HERC2: variants seen among roughly 807,000 people sequenced by gnomAD.
HERC2 encodes the protein HECT and RLD domain containing E3 ubiquitin protein ligase 2, also known as E3 ubiquitin-protein ligase HERC2.
A neutral mutation model predicts 537.7 loss-of-function variants in HERC2; 102 were observed. That is an observed-to-expected ratio of 0.19 (90% CI 0.16 to 0.22). The LOEUF (loss-of-function observed/expected upper bound fraction) is 0.22, where lower values mean the gene tolerates loss of function less well. Ranked by LOEUF, HERC2 falls within the 10% of genes least tolerant of loss-of-function variation. The pLI, the probability that HERC2 is intolerant of heterozygous loss-of-function variation, is 1.00. For missense variants in HERC2, 4,236 were observed against 6,198.2 expected (o/e 0.68, Z 10.63); for synonymous variants, 2,224 against 2,466.2 (o/e 0.90, Z 2.91).
chr15:28,194,168 C>T (rs763479225), intron 52 of HERC2, among the ~76,000 whole-genome samples: 2 of 151,050 alleles, frequency 1.3e-5, no homozygotes, highest in Non-Finnish European at 3.0e-5. Flanking sequence ...TGGGTTCACG[C>T]CATTCTCCCG....
chr15:28,260,827 G>A lies in HERC2; in HGVS notation c.2266C>T (p.Pro756Ser). ...ACTATGTGTTTGGTGTCCAGTCCTGGCAATGCTGCAGGTTCTGGCTTGGTC... is the reference window on the plus strand; with the variant it reads ...ACTATGTGTTTGGTGTCCAGTCCTGACAATGCTGCAGGTTCTGGCTTGGTC... The part of the protein sequence containing the change: ...RVTKPEPAAL[P>S]GLDTKHIVGI... The change falls in exon 16 of 93, where the codon CCA becomes TCA. Residue 756 changes from proline to serine, a missense_variant. Pro to Ser is a moderately conservative substitution (Grantham distance 74). Coordinates refer to ENST00000261609, the MANE Select transcript of HERC2 (RefSeq NM_004667.6). 1.2e-6 allele frequency: 2 copies of A among 1,614,234 alleles called. No individual in the cohort carries two copies. The highest frequency in any genetic ancestry group is 1.7e-6 in the Non-Finnish European group (2 of 1,180,038).
chr15:28,117,220 T>C (rs755800378), intron 86 of HERC2, 66 bp from the exon 87 acceptor site: 3 of 1,510,056 alleles, frequency 2.0e-6, no homozygotes, highest in Non-Finnish European at 2.8e-6. Flanking sequence ...GTCGGGGATA[T>C]GCGGCACTGG....
At position 28,244,473 on chromosome 15, in the gene HERC2, A is replaced by G. The variant is rs550930639; in HGVS notation, c.3577+1408T>C. 4.3e-4 allele frequency among the ~76,000 whole-genome samples: 65 copies of G among 152,246 alleles called. 1 individual carries two copies. Among genetic ancestry groups the G allele is most frequent in the African/African-American group, 1.5e-3 (63 of 41,554 alleles). On this transcript the variant is annotated intron_variant, in intron 23 of 92. Transcript: ENST00000261609. ...GCCTGGGGAAGGGCACTTTTCAGAG[A>G]AATGAGTCCGAGTTTGGGAGGGTCC...
chr15:28,292,791 A>T (rs2076354813), intron 4 of HERC2, 97 bp downstream of exon 4: 32 of 1,249,352 alleles, frequency 2.6e-5, no homozygotes, highest in South Asian at 1.1e-4. Flanking sequence ...TACTTTTTTT[A>T]AAATTGTTAC....
chr15:28,113,316 G>A lies in HERC2; in HGVS notation c.14020-33C>T. 6.3e-7 allele frequency: 1 copy of A among 1,596,158 alleles called. No individual in the cohort carries two copies. Among genetic ancestry groups the A allele is most frequent in the Non-Finnish European group, 8.6e-7 (1 of 1,164,172 alleles). The stretch of plus-strand genomic sequence containing the variant: ...AGGATGTCTGTCAGGGCCGCGTGAT[G>A]CTTCCCACCCTGGCATTTCCGCAAG... On this transcript the variant is annotated intron_variant, in intron 91 of 92. Coordinates refer to ENST00000261609, the MANE Select transcript of HERC2 (RefSeq NM_004667.6). This position sits in a 1 kb window ranked among gnomAD's most constrained non-coding sequence, Gnocchi z 7.0.
intron 20 of HERC2, among the ~76,000 whole-genome samples, chr15:28,252,468 T>A (rs1252186343): frequency 6.6e-6 from 1 of 152,282 alleles, no homozygotes; most frequent in East Asian, 1.9e-4. Context: ...TGGAAAATGC[T>A]CACTTTAAAA....
At chr15:28,151,677 T>C (rs1892468510) in intron 70 of HERC2, among the ~76,000 whole-genome samples, 1 of 151,904 alleles carries the variant, frequency 6.6e-6, no homozygotes, top group Non-Finnish European at 1.5e-5. Flanking sequence ...GCTGCCACTG[T>C]CTAGAAACAG....
chr15:28,205,099 G>C (rs144576032), intron 45 of HERC2, among the ~76,000 whole-genome samples: 4,723 of 151,202 alleles, frequency 0.031, 203 homozygotes, highest in African/African-American at 0.11. Context: ...AAAGATAATA[G>C]AAAATACGAA....
At chr15:28,143,755 CTTA>C in intron 74 of HERC2, 115 bp downstream of exon 74, 1 of 1,352,506 alleles carries the variant, frequency 7.4e-7, no homozygotes, top group African/African-American at 1.4e-5. Context: ...CCAAGGCCTC[CTTA>C]TTCTTATGTG....
chr15:28,154,163 C>G (rs1335106434), intron 69 of HERC2, among the ~76,000 whole-genome samples: 1 of 152,000 alleles, frequency 6.6e-6, no homozygotes, highest in Admixed American at 6.6e-5. Flanking sequence ...TCTATTAACC[C>G]CAACATTTTT....
chr15:28,278,763 A>C, intron 5 of HERC2, among the ~76,000 whole-genome samples: 1 of 152,182 alleles, frequency 6.6e-6, no homozygotes, highest in East Asian at 1.9e-4. Flanking sequence ...TGCTCTCTCC[A>C]GGGAGTCAAA....
At chr15:28,257,376 C>T (rs1411817829) in intron 16 of HERC2, 115 bp from the exon 17 acceptor site, 11 of 811,348 alleles carry the variant, frequency 1.4e-5, no homozygotes, top group East Asian at 5.4e-5. Flanking sequence ...TATCATCCCT[C>T]GAACTGCCCA....
At chr15:28,267,291 C>T (rs961954357) in intron 12 of HERC2, among the ~76,000 whole-genome samples, 1 of 152,208 alleles carries the variant, frequency 6.6e-6, no homozygotes, top group South Asian at 2.1e-4. Flanking sequence ...AGGTTATCTC[C>T]AGCTTCTGCC....
At position 28,169,613 on chromosome 15, in the gene HERC2, A is replaced by T. The variant is rs2140102004; in HGVS notation, c.10100T>A (p.Ile3367Lys). Residue 3367 changes from isoleucine to lysine, a missense_variant, in exon 66 of 93, where the codon ATA becomes AAA. Transcript: ENST00000261609. ...DADSSAASNK[I>K]SGASNSKPNR... ...TGGCTTAGAATTACTTGCACCACTTATTTTATTACTGGCAGCAGAAGAATC... is the reference window on the plus strand; with the variant it reads ...TGGCTTAGAATTACTTGCACCACTTTTTTTATTACTGGCAGCAGAAGAATC... The T allele has an allele frequency of 1.2e-6, 2 of 1,613,774 alleles. No individual in the cohort carries two copies. Among genetic ancestry groups the T allele is most frequent in the Non-Finnish European group, 8.5e-7 (1 of 1,179,940 alleles).
chr15:28,127,379 G>T (rs993166033), intron 83 of HERC2, among the ~76,000 whole-genome samples: 3 of 152,214 alleles, frequency 2.0e-5, no homozygotes, highest in African/African-American at 2.4e-5. Flanking sequence ...TGCACGGGGG[G>T]AGTGGCCAAA....
At chr15:28,165,687 G>C (rs543071246) in intron 68 of HERC2, among the ~76,000 whole-genome samples, 40 of 152,106 alleles carry the variant, frequency 2.6e-4, no homozygotes, top group Admixed American at 6.6e-4. Flanking sequence ...CATGCTTGTA[G>C]TTCCAGCTAC....
At chr15:28,220,191 A>T (rs1900374021) in intron 37 of HERC2, among the ~76,000 whole-genome samples, 1 of 152,208 alleles carries the variant, frequency 6.6e-6, no homozygotes, top group South Asian at 2.1e-4. Flanking sequence ...TGGCCACCAC[A>T]TTCTCAAAGA....
At position 28,222,856 on chromosome 15, in the gene HERC2, G is replaced by A. The variant is rs181048464; in HGVS notation, c.5465-641C>T. Among the ~76,000 whole-genome samples the A allele has an allele frequency of 7.9e-5, 12 of 152,310 alleles. No individual in the cohort carries two copies. The East Asian group carries it at 2.1e-3, about 27-fold the overall frequency. ...CAGCCCTAATGGAAACCCTGGGCCT[G>A]GAGTCTCTATCCAGCTTCCCGGCAG... On this transcript the variant is annotated intron_variant, in intron 35 of 92. Coordinates refer to ENST00000261609, the MANE Select transcript of HERC2 (RefSeq NM_004667.6).
At chr15:28,169,793 A>C in intron 65 of HERC2, 138 bp from the exon 66 acceptor site, 12 of 703,508 alleles carry the variant, frequency 1.7e-5, no homozygotes, top group Admixed American at 3.2e-5. Context: ...TATCAGGCTC[A>C]TTAATAGGCC....
Sources: allele counts gnomAD v4.1 joint callset (sites outside exome capture counted in the v4.1 genomes callset), GRCh38; gene constraint gnomAD v4.1.1; non-coding constraint Gnocchi (gnomAD v3.1); transcripts MANE v1.5; gene names NCBI Gene and HGNC (gene_info 2026-07-23, HGNC 2026-07-21).